The following ANKRD33B variants were observed in gnomAD, a reference collection of about 807,000 sequenced individuals.
ANKRD33B encodes ankyrin repeat domain 33B, also known as ankyrin repeat domain-containing protein 33B.
ANKRD33B carries 6 observed loss-of-function variants against 21.5 expected under a neutral mutation model. The ratio of observed to expected loss-of-function variants is 0.28; its 90% CI spans 0.15 to 0.55. ANKRD33B has a LOEUF of 0.55. Among genes scored for constraint, ANKRD33B ranks in the 20% least tolerant of loss-of-function variants. The probability of loss-of-function intolerance (pLI) is 0.94; values close to 1 mark genes in which losing one functional copy is unlikely to be tolerated. For synonymous variants in ANKRD33B, 347 were observed against 342.4 expected (o/e 1.01, Z -0.15); for missense variants, 698 against 747.2 (o/e 0.93, Z 0.77).
rs777249126 is a variant in ANKRD33B at position 10,618,458 on chromosome 5, G to A, written c.492G>A (p.Gln164=). 3.9e-6 allele frequency: 6 copies of A among 1,530,944 alleles called. No individual in the cohort carries two copies. The highest frequency in any genetic ancestry group is 4.4e-6 in the Non-Finnish European group (5 of 1,142,940). 94.8% of individuals were successfully genotyped at this position (1,530,944 alleles called of 1,614,324 possible). A position where few individuals can be genotyped will look rare whatever the true frequency, so the allele number is the denominator to read the frequency against. Reference sequence around the variant, plus strand: ...ACACAGCCCTAATCACAGCTGCACAGGCAGGTAAGAGCTGGCTTTCCCCTT... The same window carrying A: ...ACACAGCCCTAATCACAGCTGCACAAGCAGGTAAGAGCTGGCTTTCCCCTT... ...EGNTALITAA[Q]AGHAIITNYL... Residue 164 remains glutamine (Q), a synonymous_variant, in exon 2 of 4, where the codon CAG becomes CAA. Coordinates refer to ENST00000296657, the MANE Select transcript of ANKRD33B (RefSeq NM_001164440.2).
intron 1 of ANKRD33B, among the ~76,000 whole-genome samples, chr5:10,614,641 C>A (rs1736243393): frequency 6.7e-6 from 1 of 150,254 alleles, no homozygotes. Context: ...AATCCCAACA[C>A]TTTGGGAGGC....
intron 1 of ANKRD33B, among the ~76,000 whole-genome samples, chr5:10,606,127 C>T (rs1216858902): frequency 6.6e-6 from 1 of 152,150 alleles, no homozygotes; most frequent in Non-Finnish European, 1.5e-5. Context: ...ATGAAGTTGG[C>T]AGAGGGAATA....
intron 1 of ANKRD33B, among the ~76,000 whole-genome samples, chr5:10,607,948 T>C (rs1736085906): frequency 6.6e-6 from 1 of 152,180 alleles, no homozygotes; most frequent in South Asian, 2.1e-4. Flanking sequence ...GTCTTAGGCG[T>C]CCTCTCGTGA....
chr5:10,601,517 C>T (rs927517366), intron 1 of ANKRD33B, among the ~76,000 whole-genome samples: 2 of 152,252 alleles, frequency 1.3e-5, no homozygotes, highest in Non-Finnish European at 2.9e-5. Flanking sequence ...CTCCCACCAT[C>T]CTCTGGGCCG....
chr5:10,651,332 G>T lies in ANKRD33B; in HGVS notation c.*1219G>T, dbSNP rs1242927642. 6.6e-6 allele frequency: 1 copy of T among 152,314 alleles called. No individual in the cohort carries two copies. The highest frequency in any genetic ancestry group is 1.5e-5 in the Non-Finnish European group (1 of 68,036). The allele number at this position is 152,314 out of a possible 1,614,324, so 9.4% of individuals were successfully genotyped here. On this transcript the variant is annotated 3_prime_UTR_variant, in exon 4 of 4. Transcript: ENST00000296657. ...GATGCAGGGCCTTGGGCAGGGCAGGGCATGGGTGTGATTTGCCTTGGGCCA... is the reference window on the plus strand; with the variant it reads ...GATGCAGGGCCTTGGGCAGGGCAGGTCATGGGTGTGATTTGCCTTGGGCCA...
In ANKRD33B at chr5:10,656,725, C is replaced by G. The variant is rs1339058356; in HGVS notation, c.*6612C>G. On this transcript the variant is annotated 3_prime_UTR_variant, in exon 4 of 4. Transcript: ENST00000296657. The stretch of plus-strand genomic sequence containing the variant: ...TCTGGGCCATCTCTCTGCCTCTGCC[C>G]TATCTTGGCTGCCTGGAGGGGCCCA... The G allele has an allele frequency of 6.6e-6, 1 of 152,386 alleles. No homozygotes were observed. Among genetic ancestry groups the G allele is most frequent in the African/African-American group, 2.4e-5 (1 of 41,460 alleles). 9.4% of individuals were successfully genotyped at this position (152,386 alleles called of 1,614,324 possible). A position where few individuals can be genotyped will look rare whatever the true frequency, so the allele number is the denominator to read the frequency against.
intron 1 of ANKRD33B, among the ~76,000 whole-genome samples, chr5:10,614,480 A>G (rs1736240644): frequency 6.6e-6 from 1 of 152,214 alleles, no homozygotes; most frequent in Non-Finnish European, 1.5e-5. Context: ...TGTCTTGCCC[A>G]GGCTGGTCTC....
intron 1 of ANKRD33B, among the ~76,000 whole-genome samples, chr5:10,574,529 A>G (rs963271349): frequency 2.0e-5 from 3 of 152,234 alleles, no homozygotes; most frequent in African/African-American, 7.2e-5. Flanking sequence ...CAAAAGTGGT[A>G]TCTTGAAGGA....
At position 10,653,573 on chromosome 5, in the gene ANKRD33B, G is replaced by C. The variant is rs1241679945; in HGVS notation, c.*3460G>C. On this transcript the variant is annotated 3_prime_UTR_variant, in exon 4 of 4. Transcript: ENST00000296657. ...TTGGGTAAGGAATTCCTCATGGGAG[G>C]TGTGGTCATCTGGTCGTAGAGGTGG... The C allele has an allele frequency of 1.3e-5, 2 of 152,374 alleles. No individual in the cohort carries two copies. Among genetic ancestry groups the C allele is most frequent in the Admixed American group, 6.5e-5 (1 of 15,280 alleles). 9.4% of individuals were successfully genotyped at this position (152,374 alleles called of 1,614,324 possible).
At chr5:10,590,147 A>G (rs1031083089) in intron 1 of ANKRD33B, among the ~76,000 whole-genome samples, 5 of 152,020 alleles carry the variant, frequency 3.3e-5, no homozygotes, top group African/African-American at 1.2e-4. Context: ...TTGCTTTTAC[A>G]TATTAGTTAT....
At chr5:10,623,423 A>G (rs953615714) in intron 2 of ANKRD33B, among the ~76,000 whole-genome samples, 2 of 152,182 alleles carry the variant, frequency 1.3e-5, no homozygotes, top group African/African-American at 4.8e-5. Context: ...CTTTGGTCAC[A>G]GATGGTGTCT....
chr5:10,569,362 C>T (rs1159648508), intron 1 of ANKRD33B, among the ~76,000 whole-genome samples: 5 of 151,940 alleles, frequency 3.3e-5, no homozygotes, highest in African/African-American at 4.8e-5. Context: ...TTTGGGAGGC[C>T]GAGGCAGGCA....
At chr5:10,618,539 G>A (rs927264486) in intron 2 of ANKRD33B, 77 bp downstream of exon 2, 68 of 1,448,160 alleles carry the variant, frequency 4.7e-5, no homozygotes, top group African/African-American at 2.0e-4. Context: ...CTCCCGTTGC[G>A]ATGCAGTCAG....
At chr5:10,572,904 GCTTCATT>G (rs1735229768) in intron 1 of ANKRD33B, among the ~76,000 whole-genome samples, 1 of 152,188 alleles carries the variant, frequency 6.6e-6, no homozygotes, top group African/African-American at 2.4e-5. Flanking sequence ...AGAGAGAAAT[GCTTCATT>G]CTTCATTCCC....
At chr5:10,591,164 A>G (rs1735676931) in intron 1 of ANKRD33B, among the ~76,000 whole-genome samples, 1 of 148,070 alleles carries the variant, frequency 6.8e-6, no homozygotes, top group Non-Finnish European at 1.5e-5. Context: ...AGCCAGGTTT[A>G]TAGAAATAGT....
At chr5:10,601,464 G>C (rs915680751) in intron 1 of ANKRD33B, among the ~76,000 whole-genome samples, 7 of 152,324 alleles carry the variant, frequency 4.6e-5, no homozygotes, top group East Asian at 3.9e-4. Flanking sequence ...ACCTGGCTGG[G>C]TGCCAACTCC....
At chr5:10,625,515 T>C (rs1736524801) in intron 2 of ANKRD33B, among the ~76,000 whole-genome samples, 1 of 152,202 alleles carries the variant, frequency 6.6e-6, no homozygotes, top group Non-Finnish European at 1.5e-5. Context: ...GCTGTGTCGG[T>C]GTCCCTGAGC....
chr5:10,566,335 G>A (rs1174261283), intron 1 of ANKRD33B, among the ~76,000 whole-genome samples: 2 of 152,206 alleles, frequency 1.3e-5, no homozygotes, highest in Non-Finnish European at 2.9e-5. Flanking sequence ...AGCTCCACCC[G>A]AAGTCCTAGG....
At chr5:10,607,610 A>C (rs946167417) in intron 1 of ANKRD33B, among the ~76,000 whole-genome samples, 38 of 152,354 alleles carry the variant, frequency 2.5e-4, no homozygotes, top group African/African-American at 8.9e-4. Flanking sequence ...ACAATTAAAA[A>C]AGACTTTGTG....
Sources: allele counts gnomAD v4.1 joint callset (sites outside exome capture counted in the v4.1 genomes callset), GRCh38; gene constraint gnomAD v4.1.1; transcripts MANE v1.5; gene names NCBI Gene and HGNC (gene_info 2026-07-23, HGNC 2026-07-21).